TAOK3: variants seen among roughly 807,000 people sequenced by gnomAD.
TAOK3 encodes TAO kinase 3, also known as serine/threonine-protein kinase TAO3.
TAOK3 carries 40 observed loss-of-function variants against 120.4 expected under a neutral mutation model. The ratio of observed to expected loss-of-function variants is 0.33; its 90% confidence interval spans 0.26 to 0.43. TAOK3 has a LOEUF of 0.43. Among genes scored for constraint, TAOK3 ranks in the 20% least tolerant of loss-of-function variants. The probability of loss-of-function intolerance (pLI) is 1.00; values close to 1 mark genes in which losing one functional copy is unlikely to be tolerated. For missense variants in TAOK3, 821 were observed against 1,112.1 expected (o/e 0.74, Z 3.72); for synonymous variants, 355 against 387.5 (o/e 0.92, Z 0.99).
chr12:118,172,556 A>G lies in TAOK3; in HGVS notation c.1800T>C (p.Leu600=). The part of the protein sequence containing the change: ...QHTQAEEEAH[L]LTQQRLYYDK... ...CGTAGTACAGTCTCTGTTGAGTGAG[A>G]AGGTGGGCTTCCTCTTCAGCCTGTG... The change falls in exon 17 of 21, where the codon CTT becomes CTC. Residue 600 remains leucine, a synonymous_variant. Coordinates refer to ENST00000392533, the MANE Select transcript of TAOK3 (RefSeq NM_016281.4). The G allele has an allele frequency of 6.2e-7, 1 of 1,614,030 alleles. No individual in the cohort carries two copies. The highest frequency in any genetic ancestry group is 8.5e-7 in the Non-Finnish European group (1 of 1,179,992).
chr12:118,213,898 C>T (rs1186553417), intron 10 of TAOK3, 119 bp downstream of exon 10: 3 of 847,424 alleles, frequency 3.5e-6, no homozygotes, highest in Non-Finnish European at 5.6e-6. Context: ...TCACTTGTAA[C>T]AACATACAGT....
chr12:118,241,877 G>A (rs576679298), intron 5 of TAOK3, among the ~76,000 whole-genome samples: 17 of 152,184 alleles, frequency 1.1e-4, no homozygotes, highest in Admixed American at 9.2e-4. Context: ...TTGGGAGGCC[G>A]AGGTGGGCGG....
At chr12:118,206,514 C>A (rs775169410) in intron 11 of TAOK3, among the ~76,000 whole-genome samples, 2 of 152,142 alleles carry the variant, frequency 1.3e-5, no homozygotes, top group African/African-American at 4.8e-5. Flanking sequence ...AATTCTAAAC[C>A]CGTGCATACC....
chr12:118,166,264 C>CG (rs1158447237), intron 17 of TAOK3, among the ~76,000 whole-genome samples: 55 of 152,140 alleles, frequency 3.6e-4, no homozygotes, highest in African/African-American at 1.3e-3. Context: ...TGAGGCCAGA[C>CG]GCGGTGGCTC....
chr12:118,234,634 C>G (rs61945192), intron 8 of TAOK3, among the ~76,000 whole-genome samples: 15,358 of 152,138 alleles, frequency 0.1, 988 homozygotes, highest in Non-Finnish European at 0.14. Context: ...CCTCTACCTC[C>G]TGGGTTCAAG....
At position 118,199,253 on chromosome 12, in the gene TAOK3, C is replaced by T. The variant is rs1487927380; in HGVS notation, c.992G>A (p.Ser331Asn). The T allele has an allele frequency of 6.2e-7, 1 of 1,613,216 alleles. No individual in the cohort carries two copies. The highest frequency in any genetic ancestry group is 1.3e-5 in the African/African-American group (1 of 74,880). ...CCTGTTCAGGCTGGTTCCATGTTCA[C>T]TGTCCTGTAAAAATGGGGCACTGAG... ...LNESQEDEED[S>N]EHGTSLNREM... Residue 331 changes from serine (S) to asparagine (N), a missense_variant, in exon 13 of 21, where the codon AGT (serine) becomes AAT (asparagine). Physicochemically the swap from Ser to Asn is conservative, Grantham distance 46 (BLOSUM62 1). Coordinates refer to ENST00000392533, the MANE Select transcript of TAOK3 (RefSeq NM_016281.4).
intron 1 of TAOK3, among the ~76,000 whole-genome samples, chr12:118,298,454 G>A (rs1321335246): frequency 6.6e-6 from 1 of 152,142 alleles, no homozygotes; most frequent in Non-Finnish European, 1.5e-5. Flanking sequence ...AACAGTAAGT[G>A]TTATATTGTC....
At chr12:118,228,267 T>A (rs1277510366) in intron 9 of TAOK3, among the ~76,000 whole-genome samples, 1 of 151,856 alleles carries the variant, frequency 6.6e-6, no homozygotes, top group East Asian at 1.9e-4. Flanking sequence ...TTCTCCTGTC[T>A]CAGCTTCCCA....
At chr12:118,306,640 T>C (rs1486309808) in intron 1 of TAOK3, among the ~76,000 whole-genome samples, 1 of 152,248 alleles carries the variant, frequency 6.6e-6, no homozygotes, top group Non-Finnish European at 1.5e-5. Context: ...TCCTTACTTT[T>C]ATTTAGTGGA....
At chr12:118,256,455 C>T (rs1437672737) in intron 2 of TAOK3, among the ~76,000 whole-genome samples, 1 of 152,132 alleles carries the variant, frequency 6.6e-6, no homozygotes, top group East Asian at 1.9e-4. Context: ...AAAACTTGTG[C>T]ACAAATGTTC....
rs762530228 is a variant in TAOK3 at position 118,181,441 on chromosome 12, G to A, written c.1496C>T (p.Thr499Met). Residue 499 changes from threonine to methionine, a missense_variant, in exon 15 of 21, where the codon ACG (threonine) becomes ATG (methionine). Transcript: ENST00000392533. ...HRLKLQKEVE[T>M]HANNSSIELE... ...CTCGATGGACGAGTTGTTGGCATGCGTCTCCACCTCCTTCTGTAGCTTGAG... is the reference window on the plus strand; with the variant it reads ...CTCGATGGACGAGTTGTTGGCATGCATCTCCACCTCCTTCTGTAGCTTGAG... The A allele has an allele frequency of 7.4e-6, 12 of 1,614,000 alleles. No individual in the cohort carries two copies. Among genetic ancestry groups the A allele is most frequent in the African/African-American group, 2.7e-5 (2 of 74,902 alleles).
Position 118,226,362 on chromosome 12 carries a change from C to T in TAOK3, c.643+7312G>A, listed in dbSNP as rs546284359. On this transcript the variant is annotated intron_variant, in intron 9 of 20. Transcript: ENST00000392533. ...CTGCACTCCAGCCTGGGCGACAGAGCGAGACTCCGTCTCAAAAAAAAATTA... is the reference window on the plus strand; with the variant it reads ...CTGCACTCCAGCCTGGGCGACAGAGTGAGACTCCGTCTCAAAAAAAAATTA... Among the ~76,000 whole-genome samples the T allele has an allele frequency of 3.3e-5, 5 of 151,020 alleles. No individual in the cohort carries two copies. The East Asian group carries it at 7.8e-4, about 24-fold the overall frequency.
At chr12:118,237,421 T>C (rs945589855) in intron 7 of TAOK3, among the ~76,000 whole-genome samples, 7 of 152,074 alleles carry the variant, frequency 4.6e-5, no homozygotes, top group African/African-American at 1.7e-4. Context: ...TAGAAGTTAA[T>C]GGAGGGAGGG....
intron 9 of TAOK3, among the ~76,000 whole-genome samples, chr12:118,219,905 T>C (rs1171606642): frequency 1.3e-5 from 2 of 149,304 alleles, no homozygotes; most frequent in African/African-American, 2.5e-5. Context: ...TGAGCGACCA[T>C]GCCTGGCTTA....
intron 1 of TAOK3, among the ~76,000 whole-genome samples, chr12:118,294,098 T>G (rs2042585749): frequency 6.6e-6 from 1 of 152,194 alleles, no homozygotes. Context: ...GAGAATCTAT[T>G]TTATATATGT....
intron 1 of TAOK3, among the ~76,000 whole-genome samples, chr12:118,268,447 T>A (rs550730790): frequency 6.6e-6 from 1 of 152,330 alleles, no homozygotes; most frequent in East Asian, 1.9e-4. Context: ...GCTGAGAATA[T>A]CCCACTCTTG....
chr12:118,308,416 A>T (rs1211726066), intron 1 of TAOK3, among the ~76,000 whole-genome samples: 1 of 152,198 alleles, frequency 6.6e-6, no homozygotes, highest in Non-Finnish European at 1.5e-5. Flanking sequence ...TTAAAAAAAA[A>T]ATTAAACATT....
intron 1 of TAOK3, among the ~76,000 whole-genome samples, chr12:118,291,336 G>A (rs995102307): frequency 2.8e-5 from 4 of 145,114 alleles, no homozygotes; most frequent in South Asian, 2.2e-4. Context: ...TTTTTTTGTC[G>A]TTTTAGCAGA....
intron 1 of TAOK3, among the ~76,000 whole-genome samples, chr12:118,298,606 A>G (rs2042766516): frequency 6.6e-6 from 1 of 152,212 alleles, no homozygotes; most frequent in Non-Finnish European, 1.5e-5. Context: ...AAAGAGTTGG[A>G]TAGAAGTGAA....
Sources: allele counts gnomAD v4.1 joint callset (sites outside exome capture counted in the v4.1 genomes callset), GRCh38; gene constraint gnomAD v4.1.1; transcripts MANE v1.5; gene names NCBI Gene and HGNC (gene_info 2026-07-23, HGNC 2026-07-21).